Variants in ESR1 observed in about 807,000 individuals in gnomAD.
ESR1 encodes the protein estrogen receptor 1.
A neutral mutation model predicts 52.7 loss-of-function variants in ESR1; 12 were observed. The observed-to-expected ratio is 0.23, with a 90% CI of 0.15 to 0.37. The LOEUF is 0.37. Among genes scored for constraint, ESR1 ranks in the 10% least tolerant of loss-of-function variants. The pLI is 1.00. For missense variants in ESR1, 584 were observed against 779.7 expected (o/e 0.75, Z 2.99); for synonymous variants, 305 against 316.8 (o/e 0.96, Z 0.39).
chr6:151,959,719 A>G (rs2037432139), intron 4 of ESR1, among the ~76,000 whole-genome samples: 1 of 152,006 alleles, frequency 6.6e-6, no homozygotes, highest in African/African-American at 2.4e-5. Context: ...GAAAAATTGT[A>G]TCAAATTGCA....
At chr6:151,951,953 C>T (rs1211161760) in intron 4 of ESR1, among the ~76,000 whole-genome samples, 1 of 152,178 alleles carries the variant, frequency 6.6e-6, no homozygotes, top group Non-Finnish European at 1.5e-5. Context: ...TCCTCTTCTT[C>T]ACCATCTCTA....
intron 5 of ESR1, among the ~76,000 whole-genome samples, chr6:152,033,213 T>C (rs998882472): frequency 3.3e-5 from 5 of 152,072 alleles, no homozygotes; most frequent in Non-Finnish European, 5.9e-5. Flanking sequence ...GGCAATACCA[T>C]TCAGGACATA....
chr6:151,786,173 A>G (rs1315275571), intron 2 of ESR1, among the ~76,000 whole-genome samples: 1 of 152,192 alleles, frequency 6.6e-6, no homozygotes, highest in Non-Finnish European at 1.5e-5. Context: ...CATTAAAGTC[A>G]CAAGGATGCC....
chr6:152,008,563 T>C (rs2042515884), intron 4 of ESR1, among the ~76,000 whole-genome samples: 1 of 152,102 alleles, frequency 6.6e-6, no homozygotes, highest in Non-Finnish European at 1.5e-5. Flanking sequence ...AAAATTATAA[T>C]TCCATTTAAC....
chr6:151,682,779 T>C (rs1778508019), intron 1 of ESR1, among the ~76,000 whole-genome samples: 1 of 152,208 alleles, frequency 6.6e-6, no homozygotes, highest in Admixed American at 6.5e-5. Context: ...CACATATTCT[T>C]ATGTACCTAA....
At chr6:152,087,206 A>C (rs1007246623) in intron 6 of ESR1, among the ~76,000 whole-genome samples, 1 of 152,212 alleles carries the variant, frequency 6.6e-6, no homozygotes, top group Non-Finnish European at 1.5e-5. Flanking sequence ...TCCAGAATTT[A>C]GATTGTGGTT....
At chr6:152,112,192 G>T (rs2051154065) in intron 6 of ESR1, among the ~76,000 whole-genome samples, 1 of 152,172 alleles carries the variant, frequency 6.6e-6, no homozygotes, top group Admixed American at 6.5e-5. Flanking sequence ...ACTCAAGGCA[G>T]CTCCAGGCTT....
intron 6 of ESR1, among the ~76,000 whole-genome samples, chr6:152,114,754 A>G (rs564886040): frequency 1.1e-3 from 170 of 150,500 alleles, no homozygotes; most frequent in East Asian, 8.0e-3. Context: ...AGCCGGGCGT[A>G]GTGGCGGGCG....
chr6:151,685,812 T>C (rs993542117), upstream of ESR1, among the ~76,000 whole-genome samples: 1 of 152,226 alleles, frequency 6.6e-6, no homozygotes, highest in Non-Finnish European at 1.5e-5. Flanking sequence ...AAGATGTTTA[T>C]GGCTTTATAT....
rs371004544 is a variant in ESR1, at chr6:151,743,250, G to T, written c.-71+41245G>T. Among the ~76,000 whole-genome samples the T allele has an allele frequency of 3.1e-3, 470 of 152,250 alleles. 3 individuals are homozygous for T. The highest frequency in any genetic ancestry group is 0.031 in the Middle Eastern group (9 of 294). ...GGAGGTACCTGCAAGGGCATGTAGG[G>T]CTTGGGCATGGGGTGGACTTGATCG... On this transcript the variant is annotated intron_variant, in intron 2 of 2. Transcript: ENST00000404742.
At chr6:151,787,192 A>G (rs1011284491) in intron 2 of ESR1, among the ~76,000 whole-genome samples, 5 of 152,132 alleles carry the variant, frequency 3.3e-5, no homozygotes, top group African/African-American at 9.7e-5. Flanking sequence ...ATTCTGTTCC[A>G]TCAGTCTATG....
chr6:151,920,343 T>G (rs1330245932), intron 3 of ESR1, among the ~76,000 whole-genome samples: 1 of 152,090 alleles, frequency 6.6e-6, no homozygotes, highest in East Asian at 1.9e-4. Context: ...AAAATTTATT[T>G]TAGATTTACA....
At chr6:151,831,811 A>G (rs1413838182) in intron 1 of ESR1, among the ~76,000 whole-genome samples, 1 of 152,256 alleles carries the variant, frequency 6.6e-6, no homozygotes. Context: ...ATTTAGTGTG[A>G]AAATCTGCTC....
intron 4 of ESR1, among the ~76,000 whole-genome samples, chr6:152,006,578 A>G (rs539598238): frequency 1.3e-5 from 2 of 152,062 alleles, no homozygotes; most frequent in South Asian, 2.1e-4. Context: ...CCAGAAATCC[A>G]AAGTTTTATT....
chr6:152,063,130 C>T (rs910913516), intron 6 of ESR1, among the ~76,000 whole-genome samples: 1 of 152,166 alleles, frequency 6.6e-6, no homozygotes, highest in Admixed American at 6.5e-5. Flanking sequence ...CTGTCTGCCT[C>T]CTTCTCAGAC....
chr6:151,840,464 A>G (rs1414024817), intron 1 of ESR1, among the ~76,000 whole-genome samples: 2 of 152,246 alleles, frequency 1.3e-5, no homozygotes, highest in Admixed American at 6.5e-5. Context: ...GTTATTTAGA[A>G]TGGACGAAAT....
At chr6:152,049,972 G>A (rs539968818) in intron 5 of ESR1, among the ~76,000 whole-genome samples, 1 of 152,302 alleles carries the variant, frequency 6.6e-6, no homozygotes, top group South Asian at 2.1e-4. Flanking sequence ...CAACAAGTAT[G>A]GACTTCCTTA....
chr6:152,040,999 A>G (rs549903321), intron 5 of ESR1, among the ~76,000 whole-genome samples: 38 of 152,342 alleles, frequency 2.5e-4, no homozygotes, highest in Non-Finnish European at 4.6e-4. Context: ...AGATGGGTCA[A>G]AAAGCATCTA....
At chr6:152,072,629 G>C (rs2048441814) in intron 6 of ESR1, among the ~76,000 whole-genome samples, 1 of 152,206 alleles carries the variant, frequency 6.6e-6, no homozygotes, top group South Asian at 2.1e-4. Flanking sequence ...AAGGCCCGAA[G>C]GACCAAGTGC....
Sources: allele counts gnomAD v4.1 joint callset (sites outside exome capture counted in the v4.1 genomes callset), GRCh38; gene constraint gnomAD v4.1.1; transcripts MANE v1.5; gene names NCBI Gene and HGNC (gene_info 2026-07-23, HGNC 2026-07-21).